Variants in RGMB observed in about 807,000 individuals in gnomAD.
RGMB encodes the protein repulsive guidance molecule B.
Under a neutral mutation model 26.9 loss-of-function variants are expected in RGMB, and 16 were observed. That is an observed-to-expected ratio of 0.60 (90% confidence interval 0.40 to 0.90). The LOEUF is 0.90. Ranked by LOEUF, RGMB falls within the 40% of genes least tolerant of loss-of-function variation. The pLI is 0.00. For missense variants in RGMB, 512 were observed against 573.3 expected, an observed-to-expected ratio of 0.89 and a Z score of 1.09; for synonymous variants, 225 against 229.3, an observed-to-expected ratio of 0.98 and a Z score of 0.17.
At chr5:98,770,766 T>A, upstream of RGMB, 1 of 732,412 alleles carries the variant, frequency 1.4e-6, no homozygotes, top group Non-Finnish European at 2.0e-6. Context: ...TCCTTACTGT[T>A]CTAACGCTTT....
chr5:98,773,127 G>A (rs1400325353), upstream of RGMB: 1 of 152,180 alleles, frequency 6.6e-6, no homozygotes, highest in Non-Finnish European at 1.5e-5. Context: ...CGGTTCCGCA[G>A]ATGTGATTGG....
intron 1 of RGMB, among the ~76,000 whole-genome samples, chr5:98,774,573 G>C (rs1372137792): frequency 6.6e-6 from 1 of 152,180 alleles, no homozygotes. Flanking sequence ...AGTCAGGCTC[G>C]GATCAGGTTT....
chr5:98,774,591 C>T (rs1580269531), intron 1 of RGMB, among the ~76,000 whole-genome samples: 1 of 152,338 alleles, frequency 6.6e-6, no homozygotes, highest in Non-Finnish European at 1.5e-5. Context: ...TTTCCGCCGT[C>T]GCAGCCGCCT....
chr5:98,788,568 C>CGA (rs1050267784), intron 2 of RGMB, among the ~76,000 whole-genome samples: 10 of 152,136 alleles, frequency 6.6e-5, no homozygotes, highest in Non-Finnish European at 1.2e-4. Flanking sequence ...TTTCCCCCCT[C>CGA]GAGAGAGAGA....
chr5:98,779,526 C>T (rs1030781973), intron 1 of RGMB, 54 bp from the exon 2 acceptor site: 14 of 1,452,348 alleles, frequency 9.6e-6, no homozygotes, highest in Non-Finnish European at 1.3e-5. Flanking sequence ...TCTCATGTAG[C>T]TCAGGAAGTT....
upstream of RGMB, among the ~76,000 whole-genome samples, chr5:98,772,060 G>A (rs752957445): frequency 2.0e-5 from 3 of 152,202 alleles, no homozygotes; most frequent in Non-Finnish European, 4.4e-5. Context: ...GTAATTGCAA[G>A]ATAGTAAATT....
At chr5:98,792,537 C>T (rs1746960675) in intron 2 of RGMB, among the ~76,000 whole-genome samples, 1 of 151,932 alleles carries the variant, frequency 6.6e-6, no homozygotes, top group Admixed American at 6.6e-5. Flanking sequence ...AGTTCAAGAC[C>T]AGCCTGGGCA....
intron 2 of RGMB, among the ~76,000 whole-genome samples, chr5:98,792,585 G>A (rs905410591): frequency 3.9e-4 from 7 of 18,008 alleles, no homozygotes; most frequent in African/African-American, 2.5e-3. Context: ...CATCCCCCCC[G>A]CCCCCCACCA....
At chr5:98,787,465 AGTTACT>A (rs1746798874) in intron 2 of RGMB, among the ~76,000 whole-genome samples, 1 of 152,196 alleles carries the variant, frequency 6.6e-6, no homozygotes, top group South Asian at 2.1e-4. Flanking sequence ...TTCGGCTGAG[AGTTACT>A]GCCACCAGCC....
In RGMB at chr5:98,795,103, TTCCA is replaced by T. The variant is rs1747074698; in HGVS notation, c.*1356_*1359del. On this transcript the variant is annotated 3_prime_UTR_variant, in exon 3 of 3. Transcript: ENST00000513185. ...CTATAAAGTAAGATCTCCTTGCCTC[TTCCA>T]TCCATTGTTGGCACCCCCTTGCAAA... 2 of 152,310 alleles carry T rather than the reference TTCCA, an allele frequency of 1.3e-5. No homozygotes were observed. Among genetic ancestry groups the T allele is most frequent in the South Asian group, 4.2e-4 (2 of 4,818 alleles). 9.4% of individuals were successfully genotyped at this position (152,310 alleles called of 1,614,324 possible). A position where few individuals can be genotyped will look rare whatever the true frequency, so the allele number is the denominator to read the frequency against.
At chr5:98,783,208 G>A (rs910832967) in intron 2 of RGMB, among the ~76,000 whole-genome samples, 1 of 152,202 alleles carries the variant, frequency 6.6e-6, no homozygotes, top group East Asian at 1.9e-4. Flanking sequence ...ACCTTGCCAG[G>A]TAGATGTGTT....
Position 98,773,749 on chromosome 5 carries a change from G to T in RGMB, c.-322G>T, listed in dbSNP as rs1386496596. 2.6e-6 allele frequency: 1 copy of T among 382,612 alleles called. No homozygotes were observed. 23.7% of individuals were successfully genotyped at this position (382,612 alleles called of 1,614,324 possible). Reference sequence around the variant, plus strand: ...ACGCCCGCCGAGCCCACGCTGGCTGGGGCCGGGGTGCCGGCGCGCTCGGGA... The same window carrying T: ...ACGCCCGCCGAGCCCACGCTGGCTGTGGCCGGGGTGCCGGCGCGCTCGGGA... On this transcript the variant is annotated 5_prime_UTR_variant, in exon 1 of 3. Coordinates refer to ENST00000513185, the MANE Select transcript of RGMB (RefSeq NM_001366508.1).
intron 2 of RGMB, among the ~76,000 whole-genome samples, chr5:98,788,902 G>A (rs1046073032): frequency 1.3e-5 from 2 of 152,022 alleles, no homozygotes; most frequent in African/African-American, 2.4e-5. Flanking sequence ...TTTCTTTTTT[G>A]TTCACTGGGG....
Position 98,773,936 on chromosome 5 carries a change from G to A in RGMB, c.-135G>A, listed in dbSNP as rs1430874405. ...CTGCGGCGGTGGTGGCGCCCCATCT[G>A]CTACACGGGCCTGAAGAAGGAAGAA... On this transcript the variant is annotated 5_prime_UTR_variant, in exon 1 of 3. Coordinates refer to ENST00000513185, the MANE Select transcript of RGMB (RefSeq NM_001366508.1). The A allele has an allele frequency of 3.4e-6, 2 of 585,410 alleles. No homozygotes were observed. Among genetic ancestry groups the A allele is most frequent in the Non-Finnish European group, 3.1e-6 (1 of 327,588 alleles). 36.3% of individuals were successfully genotyped at this position (585,410 alleles called of 1,614,324 possible).
upstream of RGMB, chr5:98,773,652 G>T: frequency 3.0e-6 from 1 of 331,832 alleles, no homozygotes; most frequent in Non-Finnish European, 5.5e-6. Flanking sequence ...ATCGACCGCG[G>T]GGGCTGCCGC....
chr5:98,791,593 TAG>T (rs1746931880), intron 2 of RGMB, among the ~76,000 whole-genome samples: 1 of 152,168 alleles, frequency 6.6e-6, no homozygotes, highest in East Asian at 1.9e-4. Flanking sequence ...GAGTAATTCA[TAG>T]AGTGTTTGGC....
intron 2 of RGMB, among the ~76,000 whole-genome samples, chr5:98,784,224 A>G (rs1261026075): frequency 6.6e-6 from 1 of 152,200 alleles, no homozygotes; most frequent in Non-Finnish European, 1.5e-5. Flanking sequence ...AGCTCCTGGC[A>G]ATCCTATGGG....
rs1013164846 is a variant in RGMB at position 98,779,575 on chromosome 5, C to A, written c.137-5C>A. On this transcript the variant is annotated splice_polypyrimidine_tract_variant and splice_region_variant and intron_variant, in intron 1 of 2. Transcript: ENST00000513185. ...AAATGTTTGGTCTTATCTTCTTTCC[C>A]ATAGGTGACTGCCAACAGCCAGCCC... The A allele has an allele frequency of 1.3e-6, 2 of 1,507,088 alleles. No individual in the cohort carries two copies. Among genetic ancestry groups the A allele is most frequent in the Non-Finnish European group, 1.8e-6 (2 of 1,127,362 alleles). 93.4% of individuals were successfully genotyped at this position (1,507,088 alleles called of 1,614,324 possible). A position where few individuals can be genotyped will look rare whatever the true frequency, so the allele number is the denominator to read the frequency against.
rs1329498166 is a variant in RGMB, at chr5:98,774,154, G to A, written c.84G>A (p.Pro28=). ...GCCGCAGCCCCGGGCTCTGCCCCCC[G>A]CCGCTGGAGCTGCTGCTGCTGCTGC... ...EQRRSPGLCP[P]PLELLLLLLF... is the part of the protein sequence containing the mutation. The change falls in exon 1 of 3, where the codon CCG becomes CCA. Residue 28 remains proline (P), a synonymous_variant. Transcript: ENST00000513185. 2.7e-6 allele frequency: 4 copies of A among 1,497,518 alleles called. No homozygotes were observed. Among genetic ancestry groups the A allele is most frequent in the Non-Finnish European group, 3.5e-6 (4 of 1,129,958 alleles). 92.8% of individuals were successfully genotyped at this position (1,497,518 alleles called of 1,614,324 possible).
Sources: gnomAD v4.1 joint callset for allele counts (sites outside exome capture counted in the v4.1 genomes callset) on GRCh38, gnomAD v4.1.1 for gene constraint, MANE v1.5 for transcripts, NCBI Gene and HGNC (gene_info 2026-07-23, HGNC 2026-07-21) for gene names.